Variants in NXPH1 observed in about 807,000 individuals in gnomAD.
NXPH1 encodes the protein neurexophilin-1.
NXPH1 carries 5 observed loss-of-function variants against 23.7 expected under a neutral mutation model. The ratio of observed to expected loss-of-function variants is 0.21; its 90% CI spans 0.11 to 0.44. The LOEUF (loss-of-function observed/expected upper bound fraction) is 0.44, where lower values mean the gene tolerates loss of function less well. Among genes scored for constraint, NXPH1 ranks in the 20% least tolerant of loss-of-function variants. NXPH1 has a pLI of 0.99. For synonymous variants in NXPH1, 144 were observed against 122.2 expected (o/e 1.18, Z -1.18); for missense variants, 324 against 321.6 (o/e 1.01, Z -0.06).
At chr7:8,511,169 A>G (rs969122431) in intron 2 of NXPH1, among the ~76,000 whole-genome samples, 6 of 152,164 alleles carry the variant, frequency 3.9e-5, no homozygotes, top group African/African-American at 1.4e-4. Flanking sequence ...GTATAGCATT[A>G]AAGAATTATT....
chr7:8,458,161 T>C (rs1162749856), intron 2 of NXPH1, among the ~76,000 whole-genome samples: 1 of 152,246 alleles, frequency 6.6e-6, no homozygotes, highest in African/African-American at 2.4e-5. Flanking sequence ...CTATGTAATC[T>C]GTGGGACTGT....
At chr7:8,611,536 A>C (rs1330462250) in intron 2 of NXPH1, among the ~76,000 whole-genome samples, 2 of 152,146 alleles carry the variant, frequency 1.3e-5, no homozygotes, top group Non-Finnish European at 2.9e-5. Flanking sequence ...GTCAAAGTGG[A>C]GGGTTTTTTC....
chr7:8,727,435 T>A (rs1780075678), intron 2 of NXPH1, among the ~76,000 whole-genome samples: 2 of 142,098 alleles, frequency 1.4e-5, no homozygotes, highest in Admixed American at 7.0e-5. Flanking sequence ...TGAATGGTAA[T>A]GCCTAGGTTT....
rs145725499 is a variant in NXPH1, at chr7:8,704,084, A to G, written c.55-46924A>G. ...GGAGGAGATATGTAATGATATATAT[A>G]TAGCATAAGGTTAAACTTACTGCTA... On this transcript the variant is annotated intron_variant, in intron 2 of 2. Coordinates refer to ENST00000405863, the MANE Select transcript of NXPH1 (RefSeq NM_152745.3). Among the ~76,000 whole-genome samples, 422 of 152,306 alleles carry G rather than the reference A, an allele frequency of 2.8e-3. 2 individuals carry two copies. Among genetic ancestry groups the G allele is most frequent in the Middle Eastern group, 0.014 (4 of 294 alleles).
At chr7:8,503,780 C>T (rs1448745798) in intron 2 of NXPH1, among the ~76,000 whole-genome samples, 4 of 152,010 alleles carry the variant, frequency 2.6e-5, no homozygotes, top group Non-Finnish European at 5.9e-5. Flanking sequence ...AGTCTGTCTG[C>T]TGCCCATTTA....
At chr7:8,599,807 A>ATTTT (rs57462739) in intron 2 of NXPH1, among the ~76,000 whole-genome samples, 208 of 145,214 alleles carry the variant, frequency 1.4e-3, no homozygotes, top group African/African-American at 4.9e-3. Context: ...AGATAGGAAG[A>ATTTT]TTTTTTTTTT....
At chr7:8,443,070 G>C (rs1158971661) in intron 2 of NXPH1, among the ~76,000 whole-genome samples, 1 of 152,202 alleles carries the variant, frequency 6.6e-6, no homozygotes, top group Non-Finnish European at 1.5e-5. Flanking sequence ...CCTTAAAGTC[G>C]AGTTAGCACT....
intron 2 of NXPH1, among the ~76,000 whole-genome samples, chr7:8,733,402 G>A (rs1319969629): frequency 6.6e-6 from 1 of 152,146 alleles, no homozygotes; most frequent in African/African-American, 2.4e-5. Context: ...ACCCAGTAAT[G>A]GGATGGCTGG....
chr7:8,630,555 A>T lies in NXPH1; in HGVS notation c.55-120453A>T, dbSNP rs144491170. ...ATTTATAAAAATGTTCTACAAGCAT[A>T]TACGTAATAAAATCCATCATTCAAC... On this transcript the variant is annotated intron_variant, in intron 2 of 2. Coordinates refer to ENST00000405863, the MANE Select transcript of NXPH1 (RefSeq NM_152745.3). 6.8e-3 allele frequency among the ~76,000 whole-genome samples: 1,040 copies of T among 152,262 alleles called. 9 individuals carry two copies. The highest frequency in any genetic ancestry group is 0.022 in the African/African-American group (932 of 41,562).
intron 2 of NXPH1, among the ~76,000 whole-genome samples, chr7:8,538,208 ATGTGACTTGCCCCC>A (rs1818058843): frequency 6.6e-6 from 1 of 151,952 alleles, no homozygotes; most frequent in Admixed American, 6.6e-5. Flanking sequence ...ATTAAATGTC[ATGTGACTTGCCCCC>A]AAATATCTGG....
At chr7:8,445,941 C>A (rs1250085241) in intron 2 of NXPH1, among the ~76,000 whole-genome samples, 1 of 152,138 alleles carries the variant, frequency 6.6e-6, no homozygotes, top group Admixed American at 6.5e-5. Flanking sequence ...TTTAGTCATG[C>A]GCACTCCAAC....
intron 2 of NXPH1, among the ~76,000 whole-genome samples, chr7:8,566,307 C>T (rs1382298383): frequency 1.3e-5 from 2 of 151,870 alleles, no homozygotes; most frequent in Non-Finnish European, 2.9e-5. Context: ...AAAATTAAAC[C>T]TGTTGTTTAG....
intron 2 of NXPH1, among the ~76,000 whole-genome samples, chr7:8,635,398 T>G (rs1022886655): frequency 1.3e-5 from 2 of 152,226 alleles, no homozygotes; most frequent in Non-Finnish European, 2.9e-5. Flanking sequence ...TTTTCCTACC[T>G]TTCTCTTTTT....
At chr7:8,719,291 T>C (rs193285748) in intron 2 of NXPH1, among the ~76,000 whole-genome samples, 1 of 152,186 alleles carries the variant, frequency 6.6e-6, no homozygotes, top group African/African-American at 2.4e-5. Context: ...TACAGAGATA[T>C]TGCTTCATGG....
chr7:8,601,641 G>A (rs1172988548), intron 2 of NXPH1, among the ~76,000 whole-genome samples: 3 of 152,202 alleles, frequency 2.0e-5, no homozygotes, highest in Admixed American at 6.5e-5. Context: ...AGTCCCATAA[G>A]AGGTACATCT....
intron 2 of NXPH1, among the ~76,000 whole-genome samples, chr7:8,439,480 G>A (rs1043992909): frequency 5.3e-5 from 8 of 152,198 alleles, no homozygotes; most frequent in East Asian, 1.9e-4. Flanking sequence ...CAATGCATCC[G>A]ACAAGGCATT....
chr7:8,744,205 T>A (rs1780430032), intron 2 of NXPH1, among the ~76,000 whole-genome samples: 2 of 152,308 alleles, frequency 1.3e-5, no homozygotes, highest in South Asian at 4.1e-4. Flanking sequence ...ATGTTAATAA[T>A]CTTTATGTCT....
At chr7:8,542,157 T>G (rs75804061) in intron 2 of NXPH1, among the ~76,000 whole-genome samples, 1,929 of 151,550 alleles carry the variant, frequency 0.013, 46 homozygotes, top group African/African-American at 0.044. Flanking sequence ...TATACAATGT[T>G]AACATTAACA....
chr7:8,722,664 T>C (rs1391977558), intron 2 of NXPH1, among the ~76,000 whole-genome samples: 1 of 152,210 alleles, frequency 6.6e-6, no homozygotes, highest in Non-Finnish European at 1.5e-5. Context: ...GATTTGGTGA[T>C]TTCCAGAGCT....
Sources: allele counts gnomAD v4.1 joint callset (sites outside exome capture counted in the v4.1 genomes callset), GRCh38; gene constraint gnomAD v4.1.1; transcripts MANE v1.5; gene names NCBI Gene and HGNC (gene_info 2026-07-23, HGNC 2026-07-21).